Variants in PIGN observed in about 807,000 individuals in gnomAD.
PIGN encodes GPI ethanolamine phosphate transferase 1.
Under a neutral mutation model 125.4 loss-of-function variants are expected in PIGN, and 117 were observed. That is an observed-to-expected ratio of 0.93 (90% CI 0.80 to 1.09). The LOEUF (loss-of-function observed/expected upper bound fraction) is 1.09, where lower values mean the gene tolerates loss of function less well. Among genes scored for constraint, PIGN ranks in the 50% least tolerant of loss-of-function variants. PIGN has a pLI of 0.00. For missense variants in PIGN, 1,075 were observed against 1,094.9 expected, an observed-to-expected ratio of 0.98 and a Z score of 0.26; for synonymous variants, 392 against 377.8, an observed-to-expected ratio of 1.04 and a Z score of -0.44.
Position 62,085,471 on chromosome 18 carries a change from G to A in PIGN, c.2371-207C>T, listed in dbSNP as rs901899722. Among the ~76,000 whole-genome samples, 3 of 152,176 alleles carry A rather than the reference G, an allele frequency of 2.0e-5. No individual in the cohort carries two copies. In the East Asian group the frequency reaches 5.8e-4, roughly 29 times the overall value. On this transcript the variant is annotated intron_variant, in intron 25 of 30. Coordinates refer to ENST00000640252, the MANE Select transcript of PIGN (RefSeq NM_176787.5). ...AGAGGCTGTGTACCGAGAATAATGA[G>A]GCCTGAGAGGTCATCCTCACTCAGT... is the stretch of plus-strand genomic sequence containing the variant.
chr18:62,061,645 AT>A (rs1207775571), intron 30 of PIGN, among the ~76,000 whole-genome samples: 1 of 152,196 alleles, frequency 6.6e-6, no homozygotes, highest in African/African-American at 2.4e-5. Context: ...GAGTTTAGGA[AT>A]AAAATTCGTC....
chr18:62,160,597 A>G (rs1283031672), intron 4 of PIGN, among the ~76,000 whole-genome samples: 1 of 151,646 alleles, frequency 6.6e-6, no homozygotes, highest in Non-Finnish European at 1.5e-5. Flanking sequence ...GCTCACTGCA[A>G]CCTCTGCCTC....
intron 28 of PIGN, among the ~76,000 whole-genome samples, chr18:62,081,240 C>CT (rs1568152890): frequency 6.6e-6 from 1 of 152,030 alleles, no homozygotes; most frequent in East Asian, 1.9e-4. Flanking sequence ...AATAATAAGA[C>CT]TGTTAAAAGG....
chr18:62,029,787 A>T (rs1469825322), intron 23 of PIGN, among the ~76,000 whole-genome samples: 2 of 152,208 alleles, frequency 1.3e-5, no homozygotes, highest in African/African-American at 4.8e-5. Context: ...CAGGAGTGAC[A>T]TGCATCTGCA....
At chr18:62,049,118 T>C (rs1192684555) in intron 30 of PIGN, among the ~76,000 whole-genome samples, 1 of 151,038 alleles carries the variant, frequency 6.6e-6, no homozygotes, top group Non-Finnish European at 1.5e-5. Context: ...GACATTTGGG[T>C]TGGTTCCAAG....
intron 14 of PIGN, among the ~76,000 whole-genome samples, chr18:62,127,111 A>G (rs2035561958): frequency 6.6e-6 from 1 of 152,140 alleles, no homozygotes; most frequent in South Asian, 2.1e-4. Flanking sequence ...TTCAATGTTT[A>G]CTAATTCTGT....
intron 10 of PIGN, among the ~76,000 whole-genome samples, 158 bp from the exon 11 acceptor site, chr18:62,143,504 G>A (rs2036210725): frequency 6.6e-6 from 1 of 152,070 alleles, no homozygotes; most frequent in Non-Finnish European, 1.5e-5. Context: ...AGGCAAAGGT[G>A]TATTTTTTTA....
chr18:62,111,824 C>T (rs2034890793), intron 16 of PIGN, among the ~76,000 whole-genome samples: 1 of 152,126 alleles, frequency 6.6e-6, no homozygotes, highest in Non-Finnish European at 1.5e-5. Context: ...AGATTGGATA[C>T]CCTTGCCAGC....
chr18:62,088,112 A>G (rs2033793055), intron 25 of PIGN, among the ~76,000 whole-genome samples: 2 of 152,216 alleles, frequency 1.3e-5, no homozygotes, highest in African/African-American at 2.4e-5. Context: ...CAATGTATAC[A>G]TATATCAAAA....
intron 14 of PIGN, chr18:62,137,899 G>A (rs1017355889): frequency 3.6e-5 from 8 of 224,716 alleles, no homozygotes; most frequent in African/African-American, 1.9e-4. Flanking sequence ...AAGCCATATG[G>A]TACCAGCATC....
At chr18:62,129,999 C>A (rs1438182259) in intron 14 of PIGN, among the ~76,000 whole-genome samples, 1 of 152,022 alleles carries the variant, frequency 6.6e-6, no homozygotes, top group African/African-American at 2.4e-5. Context: ...GAGACAGAGA[C>A]ACAAGGAAGA....
At chr18:62,055,055 C>G (rs566690728) in intron 30 of PIGN, among the ~76,000 whole-genome samples, 5 of 152,168 alleles carry the variant, frequency 3.3e-5, no homozygotes, top group Admixed American at 1.3e-4. Context: ...CAAATGCTGG[C>G]AAGGATGCAG....
chr18:62,112,831 T>C (rs1299128051), intron 16 of PIGN: 1 of 355,666 alleles, frequency 2.8e-6, no homozygotes, highest in Non-Finnish European at 5.0e-6. Context: ...GGAATACTTA[T>C]AAAATGCTAG....
rs749278935 is a variant in PIGN, at chr18:62,106,866, A to T, written c.1690T>A (p.Tyr564Asn). The T allele has an allele frequency of 6.2e-7, 1 of 1,607,984 alleles. No individual in the cohort carries two copies. The highest frequency in any genetic ancestry group is 1.7e-5 in the Admixed American group (1 of 59,262). Residue 564 changes from tyrosine (Y) to asparagine (N), a missense_variant, in exon 19 of 31, where the codon TAC (tyrosine) becomes AAC (asparagine). Physicochemically the swap from Tyr to Asn is moderately radical, Grantham distance 143. Transcript: ENST00000640252. Reference sequence around the variant, plus strand: ...AGTCCAGCGGTAAGCATATAGCGGTAGAAAAAACTGAGAACCTAGTAATGC... The same window carrying T: ...AGTCCAGCGGTAAGCATATAGCGGTTGAAAAAACTGAGAACCTAGTAATGC... ...GIEVLVLSFFYRYMLTAGLTA... is the reference protein window; with the variant it reads ...GIEVLVLSFFNRYMLTAGLTA...
chr18:62,066,235 A>G (rs934386604), intron 30 of PIGN, among the ~76,000 whole-genome samples: 4 of 152,184 alleles, frequency 2.6e-5, no homozygotes, highest in African/African-American at 9.7e-5. Flanking sequence ...ACAGGCAGTG[A>G]CTGAGCAGCC....
downstream of PIGN, among the ~76,000 whole-genome samples, chr18:62,038,690 T>C (rs2030295242): frequency 1.3e-5 from 2 of 152,118 alleles, no homozygotes; most frequent in Non-Finnish European, 2.9e-5. Flanking sequence ...CCCAATACTT[T>C]GGGAGACCAA....
chr18:62,158,816 A>T (rs7234102), intron 4 of PIGN, among the ~76,000 whole-genome samples: 6,523 of 152,308 alleles, frequency 0.043, 470 homozygotes, highest in African/African-American at 0.15. Context: ...ATTAACGAGA[A>T]ATATTCTTTA....
intron 14 of PIGN, among the ~76,000 whole-genome samples, chr18:62,133,501 T>C (rs1265166210): frequency 2.6e-5 from 4 of 152,224 alleles, no homozygotes; most frequent in Non-Finnish European, 5.9e-5. Flanking sequence ...AATTTTAAAA[T>C]TATGTTTTTG....
intron 23 of PIGN, among the ~76,000 whole-genome samples, chr18:62,030,791 T>C (rs970414310): frequency 6.6e-6 from 1 of 152,216 alleles, no homozygotes; most frequent in African/African-American, 2.4e-5. Context: ...GCACTGCATG[T>C]GCCTTTGGGG....
Sources: gnomAD v4.1 joint callset for allele counts (sites outside exome capture counted in the v4.1 genomes callset) on GRCh38, gnomAD v4.1.1 for gene constraint, MANE v1.5 for transcripts, NCBI Gene and HGNC (gene_info 2026-07-23, HGNC 2026-07-21) for gene names.